The following CTNND2 variants were observed in gnomAD, a reference collection of about 807,000 sequenced individuals.
CTNND2 encodes the protein catenin delta-2.
Under a neutral mutation model 144.4 loss-of-function variants are expected in CTNND2, and 22 were observed. The observed-to-expected ratio is 0.15, with a 90% CI of 0.11 to 0.22. The LOEUF (loss-of-function observed/expected upper bound fraction) is 0.22. Among genes scored for constraint, CTNND2 ranks in the 10% least tolerant of loss-of-function variants. The pLI is 1.00. For missense variants in CTNND2, 1,353 were observed against 1,618.8 expected (o/e 0.84, Z 2.82); for synonymous variants, 751 against 695.6 (o/e 1.08, Z -1.25).
chr5:11,643,638 G>T (rs951205333), intron 2 of CTNND2, among the ~76,000 whole-genome samples: 1 of 151,676 alleles, frequency 6.6e-6, no homozygotes, highest in Admixed American at 6.6e-5. Flanking sequence ...GTCTATCATT[G>T]TACAGCTTTA....
At chr5:11,431,498 T>C (rs1763283581) in intron 3 of CTNND2, among the ~76,000 whole-genome samples, 1 of 152,208 alleles carries the variant, frequency 6.6e-6, no homozygotes. Context: ...TTCTAGCATC[T>C]TAAGGCAAGG....
intron 16 of CTNND2, among the ~76,000 whole-genome samples, chr5:11,049,547 G>A (rs1026029113): frequency 1.3e-5 from 2 of 152,044 alleles, no homozygotes; most frequent in Admixed American, 6.5e-5. Flanking sequence ...CCCTCCCCAC[G>A]GATACCCTGG....
intron 1 of CTNND2, among the ~76,000 whole-genome samples, chr5:11,902,828 C>G (rs1738019261): frequency 6.6e-6 from 1 of 152,090 alleles, no homozygotes; most frequent in Admixed American, 6.5e-5. Context: ...GCCCCTCTAT[C>G]TCTCATCTCC....
chr5:11,106,540 G>GGGCA (rs771328594), intron 14 of CTNND2, among the ~76,000 whole-genome samples: 10 of 152,188 alleles, frequency 6.6e-5, no homozygotes, highest in Non-Finnish European at 1.5e-4. Flanking sequence ...TGTCACCTGG[G>GGGCA]GGCAGGTAAT....
intron 9 of CTNND2, among the ~76,000 whole-genome samples, chr5:11,316,562 A>G (rs1189771503): frequency 6.6e-6 from 1 of 151,124 alleles, no homozygotes; most frequent in Non-Finnish European, 1.5e-5. Flanking sequence ...ACATATGTAT[A>G]CATGTGCCAT....
chr5:11,157,800 T>C (rs1477670985), intron 12 of CTNND2, among the ~76,000 whole-genome samples: 1 of 152,216 alleles, frequency 6.6e-6, no homozygotes, highest in African/African-American at 2.4e-5. Flanking sequence ...CTTCCTATTA[T>C]GTGGTCACTC....
At chr5:11,861,812 G>A (rs943926232) in intron 1 of CTNND2, among the ~76,000 whole-genome samples, 3 of 152,140 alleles carry the variant, frequency 2.0e-5, no homozygotes, top group Non-Finnish European at 2.9e-5. Flanking sequence ...TTGTGCCTGT[G>A]TGCCAGCCAT....
chr5:11,489,568 T>A (rs1769191926), intron 3 of CTNND2, among the ~76,000 whole-genome samples: 1 of 152,178 alleles, frequency 6.6e-6, no homozygotes, highest in Non-Finnish European at 1.5e-5. Context: ...AACACACAGT[T>A]TTACTTCCTT....
At chr5:11,553,281 C>T (rs1002404204) in intron 3 of CTNND2, among the ~76,000 whole-genome samples, 2 of 152,168 alleles carry the variant, frequency 1.3e-5, no homozygotes, top group African/African-American at 4.8e-5. Flanking sequence ...TCCATCTCAT[C>T]TTGTCAATTT....
At chr5:11,556,462 T>A (rs954614871) in intron 3 of CTNND2, among the ~76,000 whole-genome samples, 3 of 152,228 alleles carry the variant, frequency 2.0e-5, no homozygotes, top group African/African-American at 7.2e-5. Context: ...TTTATCATGC[T>A]TTTGAAGAAA....
At chr5:11,298,204 G>T (rs1322484691) in intron 9 of CTNND2, among the ~76,000 whole-genome samples, 1 of 152,116 alleles carries the variant, frequency 6.6e-6, no homozygotes, top group Non-Finnish European at 1.5e-5. Context: ...TTGAGACAGG[G>T]TCTTGCTCTG....
chr5:11,233,874 T>A (rs1741325664), intron 10 of CTNND2, among the ~76,000 whole-genome samples: 1 of 152,136 alleles, frequency 6.6e-6, no homozygotes, highest in South Asian at 2.1e-4. Context: ...GGCTAACACT[T>A]ACTAACTTCA....
intron 3 of CTNND2, among the ~76,000 whole-genome samples, chr5:11,472,887 C>T (rs1013122054): frequency 2.6e-5 from 4 of 152,040 alleles, no homozygotes; most frequent in African/African-American, 7.2e-5. Flanking sequence ...GAGACCTTTA[C>T]TGATTAAATT....
chr5:11,248,189 A>G (rs1325238631), intron 9 of CTNND2, among the ~76,000 whole-genome samples: 2 of 152,202 alleles, frequency 1.3e-5, no homozygotes, highest in East Asian at 3.8e-4. Flanking sequence ...GATGCCCAAA[A>G]TACTCGGATC....
At chr5:11,247,081 T>G (rs1324534852) in intron 9 of CTNND2, among the ~76,000 whole-genome samples, 6 of 152,164 alleles carry the variant, frequency 3.9e-5, no homozygotes, top group Non-Finnish European at 7.4e-5. Flanking sequence ...TTGACTCTCA[T>G]AAACTGCAGG....
intron 2 of CTNND2, among the ~76,000 whole-genome samples, chr5:11,682,669 G>A (rs1784467852): frequency 6.6e-6 from 1 of 152,178 alleles, no homozygotes; most frequent in Non-Finnish European, 1.5e-5. Flanking sequence ...AAGAGACACA[G>A]TTATTATTCT....
chr5:11,014,087 T>C (rs1741365593), intron 18 of CTNND2, among the ~76,000 whole-genome samples: 1 of 151,936 alleles, frequency 6.6e-6, no homozygotes, highest in Non-Finnish European at 1.5e-5. Flanking sequence ...CTGTGTAGTC[T>C]CAGCTCCTAT....
chr5:11,817,721 G>C (rs908532557), intron 1 of CTNND2, among the ~76,000 whole-genome samples: 1 of 152,072 alleles, frequency 6.6e-6, no homozygotes, highest in South Asian at 2.1e-4. Context: ...AGGTTACGGC[G>C]GGGATGGGAT....
intron 2 of CTNND2, among the ~76,000 whole-genome samples, chr5:11,623,256 T>G (rs1269502330): frequency 4.6e-5 from 7 of 152,114 alleles, no homozygotes; most frequent in African/African-American, 1.7e-4. Context: ...CACCCAAATC[T>G]CATCTTGAAT....
Sources: allele counts gnomAD v4.1 joint callset (sites outside exome capture counted in the v4.1 genomes callset), GRCh38; gene constraint gnomAD v4.1.1; transcripts MANE v1.5; gene names NCBI Gene and HGNC (gene_info 2026-07-23, HGNC 2026-07-21).